Variants in CCDC146 observed in about 807,000 individuals in gnomAD.
CCDC146 encodes the protein coiled-coil domain-containing protein 146.
A neutral mutation model predicts 119.3 loss-of-function variants in CCDC146; 92 were observed. The observed-to-expected ratio is 0.77, with a 90% CI of 0.65 to 0.92. The LOEUF (loss-of-function observed/expected upper bound fraction) is 0.92, where lower values mean the gene tolerates loss of function less well. Ranked by LOEUF, CCDC146 falls within the 40% of genes least tolerant of loss-of-function variation. The pLI is 0.00. For missense variants in CCDC146, 1,000 were observed against 1,103.0 expected (o/e 0.91, Z 1.32); for synonymous variants, 372 against 371.8 (o/e 1.00, Z -0.01).
Position 77,260,048 on chromosome 7 carries a change from C to CA in CCDC146, c.802dup (p.Thr268AsnfsTer4), listed in dbSNP as rs1353117301. 3 of 1,605,294 alleles carry CA rather than the reference C, an allele frequency of 1.9e-6. No homozygotes were observed. The highest frequency in any genetic ancestry group is 2.6e-6 in the Non-Finnish European group (3 of 1,175,702). ...AAAAAATTGTCTTGGAACAAGAAGT[C>CA]AAAACGCTAAATGACTCCCTAAAGA... On this transcript the variant is annotated frameshift_variant, in exon 8 of 19. Coordinates refer to ENST00000285871, the MANE Select transcript of CCDC146 (RefSeq NM_020879.3). LOFTEE classifies it high-confidence loss of function.
At chr7:77,251,174 A>G (rs1181274816) in intron 4 of CCDC146, among the ~76,000 whole-genome samples, 1 of 152,054 alleles carries the variant, frequency 6.6e-6, no homozygotes, top group Non-Finnish European at 1.5e-5. Flanking sequence ...AGTGGCCGCC[A>G]ATACGCCCAG....
chr7:77,272,724 C>T (rs968195798), intron 9 of CCDC146, among the ~76,000 whole-genome samples: 30 of 152,186 alleles, frequency 2.0e-4, no homozygotes, highest in East Asian at 1.9e-4. Context: ...TCTCTACTCT[C>T]GTCTTCATCA....
intron 2 of CCDC146, among the ~76,000 whole-genome samples, chr7:77,183,605 T>C (rs983213712): frequency 6.6e-6 from 1 of 152,204 alleles, no homozygotes; most frequent in Non-Finnish European, 1.5e-5. Flanking sequence ...CTTCCCTGTT[T>C]CTGTGCTTCA....
At chr7:77,293,297 C>G in intron 18 of CCDC146, 97 bp downstream of exon 18, 1 of 1,249,082 alleles carries the variant, frequency 8.0e-7, no homozygotes, top group Non-Finnish European at 1.1e-6. Flanking sequence ...AAAATTTCCC[C>G]ACTCTACCAC....
intron 4 of CCDC146, 146 bp downstream of exon 4, chr7:77,242,046 G>A (rs955586433): frequency 7.6e-6 from 5 of 655,314 alleles, no homozygotes; most frequent in African/African-American, 7.3e-5. Flanking sequence ...CCTTAGAATG[G>A]AATGGGAATT....
At chr7:77,188,641 TTCAA>T (rs1241988738) in intron 2 of CCDC146, among the ~76,000 whole-genome samples, 1 of 152,168 alleles carries the variant, frequency 6.6e-6, no homozygotes, top group Non-Finnish European at 1.5e-5. Context: ...TATTTGAGGC[TTCAA>T]TCAGTCATTA....
At chr7:77,287,327 C>T in intron 16 of CCDC146, 113 bp from the exon 17 acceptor site, 1 of 1,159,334 alleles carries the variant, frequency 8.6e-7, no homozygotes, top group Non-Finnish European at 1.3e-6. Context: ...GCTCTAAACA[C>T]TTTCCAGAGG....
At chr7:77,133,410 G>A (rs1435581995) in intron 1 of CCDC146, among the ~76,000 whole-genome samples, 1 of 152,044 alleles carries the variant, frequency 6.6e-6, no homozygotes, top group Non-Finnish European at 1.5e-5. Flanking sequence ...GGGTGCAGTG[G>A]TGTGATCTTG....
At chr7:77,289,874 T>C (rs941022301) in intron 17 of CCDC146, among the ~76,000 whole-genome samples, 3 of 152,208 alleles carry the variant, frequency 2.0e-5, no homozygotes, top group African/African-American at 7.2e-5. Context: ...TGTGTAGTGG[T>C]TGCCATCCCA....
At chr7:77,237,107 C>T (rs1415459188) in intron 3 of CCDC146, 78 bp downstream of exon 3, 1 of 1,168,784 alleles carries the variant, frequency 8.6e-7, no homozygotes, top group Admixed American at 1.8e-5. Flanking sequence ...TCTTCATTTG[C>T]ATTCCCCCAT....
intron 2 of CCDC146, chr7:77,198,227 A>G: frequency 1.0e-6 from 1 of 985,378 alleles, no homozygotes; most frequent in Non-Finnish European, 1.2e-6. Context: ...TCCCTCCTTC[A>G]CTGGCAGATG....
intron 17 of CCDC146, among the ~76,000 whole-genome samples, chr7:77,291,915 G>A (rs1793951948): frequency 6.6e-6 from 1 of 152,172 alleles, no homozygotes; most frequent in Non-Finnish European, 1.5e-5. Context: ...TCTTATATAA[G>A]CAAAGAGTAA....
intron 2 of CCDC146, among the ~76,000 whole-genome samples, chr7:77,219,768 C>G (rs1426686694): frequency 6.6e-6 from 1 of 152,106 alleles, no homozygotes; most frequent in Non-Finnish European, 1.5e-5. Context: ...GGGGTGACAT[C>G]ACATGTCGGC....
rs1793711616 is a variant in CCDC146, at chr7:77,279,022, G to A, written c.1615G>A (p.Val539Ile). 6.2e-7 allele frequency: 1 copy of A among 1,611,836 alleles called. No individual in the cohort carries two copies. Among genetic ancestry groups the A allele is most frequent in the African/African-American group, 1.3e-5 (1 of 74,956 alleles). The change falls in exon 13 of 19, where the codon GTA becomes ATA. Residue 539 changes from valine to isoleucine, a missense_variant. Around this residue, in one of 2 missense-constraint regions of CCDC146, gnomAD observed 985 missense variants for 1,045.3 expected, o/e 0.94. Transcript: ENST00000285871. ...VNLLHKAHQK[V>I]NEIKERHKMS... ...CTTACTCCACAAAGCTCATCAGAAA[G>A]TAAATGAAATAAAAGAAAGGCATAA...
chr7:77,139,643 A>G (rs535959034), intron 1 of CCDC146, among the ~76,000 whole-genome samples: 24 of 152,256 alleles, frequency 1.6e-4, no homozygotes, highest in African/African-American at 5.8e-4. Flanking sequence ...AAATCTCTGT[A>G]CATTTCTCTC....
chr7:77,125,703 A>C lies in CCDC146; in HGVS notation c.-12+2971A>C, dbSNP rs184503013. 3.9e-5 allele frequency among the ~76,000 whole-genome samples: 6 copies of C among 152,226 alleles called. No homozygotes were observed. The East Asian group carries it at 9.6e-4, about 24-fold the overall frequency. On this transcript the variant is annotated intron_variant, in intron 1 of 18. Transcript: ENST00000285871. ...AGAGTTTTCAGAAGAAAAGGTAACC[A>C]AAACAAAGAATTCAGCAATTTAGCT...
At chr7:77,234,134 C>T (rs1277577473) in intron 2 of CCDC146, among the ~76,000 whole-genome samples, 3 of 152,146 alleles carry the variant, frequency 2.0e-5, no homozygotes, top group African/African-American at 7.2e-5. Context: ...AGTTACTGGG[C>T]TAGCCCCTAG....
intron 9 of CCDC146, among the ~76,000 whole-genome samples, chr7:77,266,052 T>C (rs1313825111): frequency 1.3e-5 from 2 of 152,220 alleles, no homozygotes; most frequent in Non-Finnish European, 2.9e-5. Flanking sequence ...TGGCTCTTAT[T>C]GACTTCCACG....
At chr7:77,190,878 T>G (rs931157274) in intron 2 of CCDC146, among the ~76,000 whole-genome samples, 5 of 152,160 alleles carry the variant, frequency 3.3e-5, no homozygotes, top group African/African-American at 1.2e-4. Context: ...TTTTAAAAAA[T>G]TAAAGGATTC....
Sources: allele counts gnomAD v4.1 joint callset (sites outside exome capture counted in the v4.1 genomes callset), GRCh38; gene constraint gnomAD v4.1.1; regional missense constraint gnomAD v4.1.1; transcripts MANE v1.5; gene names NCBI Gene and HGNC (gene_info 2026-07-23, HGNC 2026-07-21).